ERCC6: variants seen among roughly 807,000 people sequenced by gnomAD.
The protein encoded by ERCC6 is ERCC excision repair 6, chromatin remodeling factor.
A neutral mutation model predicts 158.7 loss-of-function variants in ERCC6; 116 were observed. The observed-to-expected ratio is 0.73, with a 90% CI of 0.63 to 0.85. ERCC6 has a LOEUF of 0.85. Among genes scored for constraint, ERCC6 ranks in the 40% least tolerant of loss-of-function variants. The pLI is 0.00. For synonymous variants in ERCC6, 678 were observed against 659.3 expected (o/e 1.03, Z -0.43); for missense variants, 1,698 against 1,799.4 (o/e 0.94, Z 1.02).
At chr10:49,533,079 T>A in intron 1 of ERCC6, 101 bp from the exon 2 acceptor site, 1 of 1,362,888 alleles carries the variant, frequency 7.3e-7, no homozygotes, top group Non-Finnish European at 9.9e-7. Flanking sequence ...AAAGATCAAG[T>A]AATAATCTTC....
chr10:49,515,542 C>A (rs1277022961), intron 5 of ERCC6: 1 of 1,613,970 alleles, frequency 6.2e-7, no homozygotes, highest in Admixed American at 1.7e-5. Flanking sequence ...CCATGGGTCT[C>A]CAGATAATGG....
At chr10:49,452,173 T>C (rs1349736019), downstream of ERCC6, among the ~76,000 whole-genome samples, 3 of 151,890 alleles carry the variant, frequency 2.0e-5, no homozygotes, top group African/African-American at 7.2e-5. Context: ...TCTTCTTTCT[T>C]CAGTGACTTA....
the ERCC6 span, among the ~76,000 whole-genome samples, chr10:49,438,606 A>G: frequency 6.6e-6 from 1 of 152,128 alleles, no homozygotes; most frequent in African/African-American, 2.4e-5. Context: ...ATGTCCTCAC[A>G]TTTGAAAACC....
rs372671521 is a variant in ERCC6 at position 49,467,047 on chromosome 10, C to T, written c.3778+3135G>A. Among the ~76,000 whole-genome samples, 21 of 152,290 alleles carry T rather than the reference C, an allele frequency of 1.4e-4. 1 individual carries two copies. Among genetic ancestry groups the T allele is most frequent in the African/African-American group, 4.1e-4 (17 of 41,548 alleles). The stretch of plus-strand genomic sequence containing the variant: ...TCACCCACCTCGGCCTCCCAAAGTG[C>T]TGGGATTACAGGCGTGAGCCAAGCC... On this transcript the variant is annotated intron_variant, in intron 18 of 20. Coordinates refer to ENST00000355832, the MANE Select transcript of ERCC6 (RefSeq NM_000124.4).
intron 5 of ERCC6, among the ~76,000 whole-genome samples, chr10:49,519,242 T>A (rs915363389): frequency 6.6e-6 from 1 of 152,208 alleles, no homozygotes; most frequent in African/African-American, 2.4e-5. Flanking sequence ...GAAGGAAACA[T>A]GTATGTAGAG....
chr10:49,468,412 G>A (rs893703038), intron 18 of ERCC6, among the ~76,000 whole-genome samples: 11 of 152,206 alleles, frequency 7.2e-5, no homozygotes, highest in African/African-American at 2.4e-4. Flanking sequence ...AGGGCAACTG[G>A]AGAGCTCAGT....
intron 3 of ERCC6, among the ~76,000 whole-genome samples, chr10:49,529,220 T>C (rs1837412268): frequency 6.6e-6 from 1 of 152,230 alleles, no homozygotes; most frequent in African/African-American, 2.4e-5. Context: ...ATGTTTCAAC[T>C]TCAAATACGA....
At chr10:49,467,060 C>T (rs377103568) in intron 18 of ERCC6, among the ~76,000 whole-genome samples, 119 of 152,290 alleles carry the variant, frequency 7.8e-4, no homozygotes, top group African/African-American at 2.7e-3. Flanking sequence ...GGATTACAGG[C>T]GTGAGCCAAG....
chr10:49,440,675 T>C, the ERCC6 span, among the ~76,000 whole-genome samples: 1 of 152,238 alleles, frequency 6.6e-6, no homozygotes. Context: ...AATGGCACCA[T>C]TTAATTCTGC....
chr10:49,519,288 A>G (rs1837080866), intron 5 of ERCC6, among the ~76,000 whole-genome samples: 1 of 152,234 alleles, frequency 6.6e-6, no homozygotes, highest in African/African-American at 2.4e-5. Context: ...TCTACTTCAC[A>G]GTAAAACTGT....
Position 49,523,727 on chromosome 10 carries a change from T to G in ERCC6, c.1397+306A>C, listed in dbSNP as rs140717640. The stretch of plus-strand genomic sequence containing the variant: ...ACTCATTCTAGGGTGACTGTCGGTA[T>G]AAAGGCGACACAGCTCACACTCAGC... On this transcript the variant is annotated intron_variant, in intron 5 of 20. Coordinates refer to ENST00000355832, the MANE Select transcript of ERCC6 (RefSeq NM_000124.4). Among the ~76,000 whole-genome samples the G allele has an allele frequency of 1.8e-4, 28 of 152,248 alleles. No individual in the cohort carries two copies. In the East Asian group the frequency reaches 2.9e-3, roughly 16 times the overall value.
chr10:49,524,867 A>G, intron 4 of ERCC6, 90 bp from the exon 5 acceptor site: 5 of 1,558,902 alleles, frequency 3.2e-6, no homozygotes, highest in Non-Finnish European at 4.3e-6. Context: ...AATATTAGGC[A>G]GCTACAAATA....
chr10:49,501,814 G>GC (rs1007506027), intron 6 of ERCC6: 2 of 151,852 alleles, frequency 1.3e-5, no homozygotes, highest in African/African-American at 4.8e-5. Context: ...AAAAAATTTA[G>GC]CCAGGAGTGG....
chr10:49,515,928 C>T (rs1411355412), intron 5 of ERCC6: 7 of 1,614,126 alleles, frequency 4.3e-6, no homozygotes, highest in Non-Finnish European at 4.2e-6. Flanking sequence ...AAATGTGCCT[C>T]TTTCTTTTTT....
chr10:49,531,651 C>G (rs924427594), intron 2 of ERCC6, among the ~76,000 whole-genome samples: 1 of 152,318 alleles, frequency 6.6e-6, no homozygotes, highest in South Asian at 2.1e-4. Context: ...AACACTCAGA[C>G]TATAACCATG....
At chr10:49,471,718 T>G (rs1039684683) in intron 16 of ERCC6, among the ~76,000 whole-genome samples, 8 of 152,134 alleles carry the variant, frequency 5.3e-5, no homozygotes, top group Non-Finnish European at 1.2e-4. Flanking sequence ...TCCTCCACCC[T>G]CACACAACAC....
At position 49,532,717 on chromosome 10, in the gene ERCC6, A is replaced by G; in HGVS notation, c.248T>C (p.Val83Ala). 6.2e-7 allele frequency: 1 copy of G among 1,614,180 alleles called. No individual in the cohort carries two copies. Among genetic ancestry groups the G allele is most frequent in the Non-Finnish European group, 8.5e-7 (1 of 1,180,024 alleles). Residue 83 changes from valine (V) to alanine (A), a missense_variant, in exon 2 of 21, where the codon GTA becomes GCA. By Grantham distance (64) the Val-to-Ala change is moderately conservative. Coordinates refer to ENST00000355832, the MANE Select transcript of ERCC6 (RefSeq NM_000124.4). ...CTCAAGGGCCTGGGCGCTAGGCTCT[A>G]CTGCCTGGATCTGATGTCGGTCGAT... Reference protein sequence around the residue: ...LHIDRHQIQAVEPSAQALELQ... With the variant: ...LHIDRHQIQAAEPSAQALELQ...
the ERCC6 span, among the ~76,000 whole-genome samples, chr10:49,439,291 A>G: frequency 6.6e-6 from 1 of 152,230 alleles, no homozygotes; most frequent in Non-Finnish European, 1.5e-5. Flanking sequence ...CCAAACCTCA[A>G]TTCTTGTCTT....
downstream of ERCC6, among the ~76,000 whole-genome samples, chr10:49,450,586 G>A (rs577568544): frequency 5.0e-4 from 76 of 152,280 alleles, no homozygotes; most frequent in African/African-American, 1.8e-3. Flanking sequence ...AGACAAGTTT[G>A]AGGAATATTG....
Sources: gnomAD v4.1 joint callset for allele counts (sites outside exome capture counted in the v4.1 genomes callset) on GRCh38, gnomAD v4.1.1 for gene constraint, MANE v1.5 for transcripts, NCBI Gene and HGNC (gene_info 2026-07-23, HGNC 2026-07-21) for gene names.